The following FBXO8 variants were observed in gnomAD, a reference collection of about 807,000 sequenced individuals.
FBXO8 encodes the protein F-box only protein 8.
In FBXO8, 15 loss-of-function variants were observed where a neutral mutation model predicts 33.4. The observed-to-expected ratio is 0.45, with a 90% CI of 0.30 to 0.69. FBXO8 has a LOEUF of 0.69. Among genes scored for constraint, FBXO8 ranks in the 30% least tolerant of loss-of-function variants. The pLI is 0.08. For missense variants in FBXO8, 274 were observed against 380.3 expected (o/e 0.72, Z 2.32); for synonymous variants, 132 against 131.5 (o/e 1.00, Z -0.02).
In FBXO8 at chr4:174,239,162, A is replaced by G. The variant is rs779565905; in HGVS notation, c.604T>C (p.Leu202=). Residue 202 remains leucine, a synonymous_variant, in exon 5 of 6, where the codon TTG becomes CTG. Coordinates refer to ENST00000393674, the MANE Select transcript of FBXO8 (RefSeq NM_012180.3). The stretch of plus-strand genomic sequence containing the variant: ...AAGAACTGATTTCTAAAATTATGCA[A>G]TGTTACAAGGTCATCCAAGACATCT... ...RRDVLDDLVT[L]HNFRNQFLPN... 2 of 1,595,520 alleles carry G rather than the reference A, an allele frequency of 1.3e-6. No individual in the cohort carries two copies. The highest frequency in any genetic ancestry group is 1.4e-5 in the African/African-American group (1 of 74,026).
Position 174,246,070 on chromosome 4 carries a change from T to C in FBXO8, c.457-4852A>G, listed in dbSNP as rs1736151303. On this transcript the variant is annotated intron_variant, in intron 3 of 5. Coordinates refer to ENST00000393674, the MANE Select transcript of FBXO8 (RefSeq NM_012180.3). ...TAAAAGTGAGGGTTGAAGATATAGATTCAGGATCTTGGATAAGAAGGATTA... is the reference window on the plus strand; with the variant it reads ...TAAAAGTGAGGGTTGAAGATATAGACTCAGGATCTTGGATAAGAAGGATTA... Among the ~76,000 whole-genome samples, 2 of 151,938 alleles carry C rather than the reference T, an allele frequency of 1.3e-5. 1 individual carries two copies. Among genetic ancestry groups the C allele is most frequent in the Admixed American group, 1.3e-4 (2 of 15,184 alleles).
At position 174,274,376 on chromosome 4, in the gene FBXO8, G is replaced by GT. The variant is rs1482088209; in HGVS notation, c.-9+9033dup. 6.6e-6 allele frequency among the ~76,000 whole-genome samples: 1 copy of GT among 152,158 alleles called. No individual in the cohort carries two copies. On this transcript the variant is annotated intron_variant, in intron 1 of 5. Coordinates refer to ENST00000393674, the MANE Select transcript of FBXO8 (RefSeq NM_012180.3). This position sits in a 1 kb window ranked among gnomAD's most constrained non-coding sequence, Gnocchi z 4.0. Reference sequence around the variant, plus strand: ...CATAGTAGGTAGTTTACAATAAAAGGTAGTTTCGTACTCATCCCTCTCGCC... The same window carrying GT: ...CATAGTAGGTAGTTTACAATAAAAGGTTAGTTTCGTACTCATCCCTCTCGCC...
rs1737082908 is a variant in FBXO8 at position 174,281,348 on chromosome 4, C to T, written c.-9+2062G>A. ...ACGAACTGCTGACTAAATGGTTAAA[C>T]TCCCTAAAGCTGTTGCCTAAACTCC... is the stretch of plus-strand genomic sequence containing the variant. On this transcript the variant is annotated intron_variant, in intron 1 of 5. Coordinates refer to ENST00000393674, the MANE Select transcript of FBXO8 (RefSeq NM_012180.3). The surrounding 1 kb of genome is among the most constrained non-coding windows in gnomAD (Gnocchi z 4.6). Among the ~76,000 whole-genome samples, 1 of 152,164 alleles carries T rather than the reference C, an allele frequency of 6.6e-6. No homozygotes were observed. Among genetic ancestry groups the T allele is most frequent in the South Asian group, 2.1e-4 (1 of 4,830 alleles).
At chr4:174,258,772 T>TTAC (rs1736473639) in intron 3 of FBXO8, among the ~76,000 whole-genome samples, 1 of 152,098 alleles carries the variant, frequency 6.6e-6, no homozygotes, top group African/African-American at 2.4e-5. Flanking sequence ...TTGGTATTTT[T>TTAC]GTTTAAGACT....
rs975951406 is a variant in FBXO8 at position 174,253,189 on chromosome 4, C to T, written c.456+6510G>A. ...AGGAGTCTAAATGGTGAGTTATAAG[C>T]CTTGGCCATGTAGGCCCAGTGTGAT... On this transcript the variant is annotated intron_variant, in intron 3 of 5. Coordinates refer to ENST00000393674, the MANE Select transcript of FBXO8 (RefSeq NM_012180.3). The surrounding 1 kb of genome is among the most constrained non-coding windows in gnomAD (Gnocchi z 4.5). 6.6e-6 allele frequency among the ~76,000 whole-genome samples: 1 copy of T among 152,112 alleles called. No homozygotes were observed. Among genetic ancestry groups the T allele is most frequent in the Non-Finnish European group, 1.5e-5 (1 of 68,022 alleles).
intron 1 of FBXO8, among the ~76,000 whole-genome samples, chr4:174,276,635 G>A (rs1736967393): frequency 1.3e-5 from 2 of 152,214 alleles, no homozygotes; most frequent in South Asian, 2.1e-4. Context: ...CTGGAGTGCA[G>A]TGGCGTGTAG....
rs1377072689 is a variant in FBXO8, at chr4:174,245,774, C to T, written c.457-4556G>A. 6.6e-6 allele frequency among the ~76,000 whole-genome samples: 1 copy of T among 151,772 alleles called. No individual in the cohort carries two copies. The highest frequency in any genetic ancestry group is 1.5e-5 in the Non-Finnish European group (1 of 67,922). ...GCGGGCTATACAACTGTATATGTTA[C>T]ATATATGTTACATATATGAAAATAA... On this transcript the variant is annotated intron_variant, in intron 3 of 5. Transcript: ENST00000393674. The surrounding 1 kb of genome is among the most constrained non-coding windows in gnomAD (Gnocchi z 4.6).
chr4:174,262,589 A>G lies in FBXO8; in HGVS notation c.329+175T>C, dbSNP rs1264812500. Reference sequence around the variant, plus strand: ...ATTTTCTATTGTCCTCCTTTTCACAAGATCAAATTTGACTGTGATGCTAAC... The same window carrying G: ...ATTTTCTATTGTCCTCCTTTTCACAGGATCAAATTTGACTGTGATGCTAAC... On this transcript the variant is annotated intron_variant, in intron 2 of 5. Coordinates refer to ENST00000393674, the MANE Select transcript of FBXO8 (RefSeq NM_012180.3). This position sits in a 1 kb window ranked among gnomAD's most constrained non-coding sequence, Gnocchi z 4.6. Among the ~76,000 whole-genome samples, 1 of 152,194 alleles carries G rather than the reference A, an allele frequency of 6.6e-6. No individual in the cohort carries two copies. The highest frequency in any genetic ancestry group is 1.5e-5 in the Non-Finnish European group (1 of 68,048).
In FBXO8 at chr4:174,263,786, C is replaced by T. The variant is rs1432165972; in HGVS notation, c.-8-686G>A. Among the ~76,000 whole-genome samples the T allele has an allele frequency of 6.6e-6, 1 of 152,158 alleles. No individual in the cohort carries two copies. Among genetic ancestry groups the T allele is most frequent in the Non-Finnish European group, 1.5e-5 (1 of 68,022 alleles). On this transcript the variant is annotated intron_variant, in intron 1 of 5. Transcript: ENST00000393674. This position sits in a 1 kb window ranked among gnomAD's most constrained non-coding sequence, Gnocchi z 4.2. Reference sequence around the variant, plus strand: ...AGAGAAATTTTCTAATTCTTCTCCACAAATCCCTATGGATTCTTCAGAAGT... The same window carrying T: ...AGAGAAATTTTCTAATTCTTCTCCATAAATCCCTATGGATTCTTCAGAAGT...
At chr4:174,264,293 C>T (rs1022965680) in intron 1 of FBXO8, among the ~76,000 whole-genome samples, 4 of 152,062 alleles carry the variant, frequency 2.6e-5, no homozygotes, top group Admixed American at 6.6e-5. Context: ...GACTAGATAT[C>T]TTTTAATCAG....
chr4:174,246,543 T>G (rs896846891), intron 3 of FBXO8, among the ~76,000 whole-genome samples: 1 of 151,418 alleles, frequency 6.6e-6, no homozygotes, highest in Non-Finnish European at 1.5e-5. Context: ...AAAAATATAT[T>G]AGTACAAAGG....
chr4:174,243,216 G>C (rs916582112), intron 3 of FBXO8, among the ~76,000 whole-genome samples: 1 of 151,318 alleles, frequency 6.6e-6, no homozygotes, highest in Non-Finnish European at 1.5e-5. Context: ...TCTAACCTCA[G>C]TTCTCCCAAA....
Position 174,256,664 on chromosome 4 carries a change from G to A in FBXO8, c.456+3035C>T, listed in dbSNP as rs1321954647. ...CCCCTCATTTCTCTGACCTTATTAA[G>A]TGTATTGCAATGTCCTTTTTTTCCT... is the stretch of plus-strand genomic sequence containing the variant. On this transcript the variant is annotated intron_variant, in intron 3 of 5. Coordinates refer to ENST00000393674, the MANE Select transcript of FBXO8 (RefSeq NM_012180.3). The surrounding 1 kb of genome is among the most constrained non-coding windows in gnomAD (Gnocchi z 4.6). 6.6e-6 allele frequency among the ~76,000 whole-genome samples: 1 copy of A among 152,122 alleles called. No individual in the cohort carries two copies. The highest frequency in any genetic ancestry group is 1.9e-4 in the East Asian group (1 of 5,192).
At chr4:174,269,948 C>T (rs1056749679) in intron 1 of FBXO8, among the ~76,000 whole-genome samples, 2 of 152,116 alleles carry the variant, frequency 1.3e-5, no homozygotes, top group African/African-American at 4.8e-5. Context: ...ACTAATGCTC[C>T]TTGTGTCTCA....
At chr4:174,271,211 G>T (rs1284370278) in intron 1 of FBXO8, among the ~76,000 whole-genome samples, 1 of 152,174 alleles carries the variant, frequency 6.6e-6, no homozygotes, top group Non-Finnish European at 1.5e-5. Context: ...AGTAGAAGGA[G>T]GAGTGGCTAC....
chr4:174,266,328 A>T (rs530808485), intron 1 of FBXO8, among the ~76,000 whole-genome samples: 12 of 152,332 alleles, frequency 7.9e-5, no homozygotes, highest in Non-Finnish European at 1.5e-4. Flanking sequence ...CTGCAAAATT[A>T]TACCTTATTT....
rs1736628747 is a variant in FBXO8, at chr4:174,263,875, C to A, written c.-8-775G>T. On this transcript the variant is annotated intron_variant, in intron 1 of 5. Transcript: ENST00000393674. This position sits in a 1 kb window ranked among gnomAD's most constrained non-coding sequence, Gnocchi z 4.2. ...CTCCCCACTACCATCTGACCTCCCA[C>A]CAGAGCATTCTACATTTGTCTGTCA... Among the ~76,000 whole-genome samples the A allele has an allele frequency of 6.6e-6, 1 of 152,146 alleles. No homozygotes were observed. Among genetic ancestry groups the A allele is most frequent in the Non-Finnish European group, 1.5e-5 (1 of 68,014 alleles).
rs1736819018 is a variant in FBXO8 at position 174,270,715 on chromosome 4, C to G, written c.-8-7615G>C. ...CACTGCAACCTCCACCTCCCAGGTT[C>G]AAGTGATTCTCCTGTCTCAGCCTCC... On this transcript the variant is annotated intron_variant, in intron 1 of 5. Coordinates refer to ENST00000393674, the MANE Select transcript of FBXO8 (RefSeq NM_012180.3). This position sits in a 1 kb window ranked among gnomAD's most constrained non-coding sequence, Gnocchi z 4.6. Among the ~76,000 whole-genome samples, 1 of 151,458 alleles carries G rather than the reference C, an allele frequency of 6.6e-6. No homozygotes were observed. The highest frequency in any genetic ancestry group is 1.5e-5 in the Non-Finnish European group (1 of 67,956).
At position 174,259,512 on chromosome 4, in the gene FBXO8, C is replaced by G. The variant is rs773096273; in HGVS notation, c.456+187G>C. 6.6e-6 allele frequency among the ~76,000 whole-genome samples: 1 copy of G among 151,978 alleles called. No homozygotes were observed. Among genetic ancestry groups the G allele is most frequent in the Admixed American group, 6.6e-5 (1 of 15,244 alleles). On this transcript the variant is annotated intron_variant, in intron 3 of 5. Coordinates refer to ENST00000393674, the MANE Select transcript of FBXO8 (RefSeq NM_012180.3). This position sits in a 1 kb window ranked among gnomAD's most constrained non-coding sequence, Gnocchi z 4.3. ...AAGTGAACAGGTAGAAAGGTTAGAA[C>G]GTGACATGGTAAGGCGAAGAAAAAT...
Sources: gnomAD v4.1 joint callset for allele counts (sites outside exome capture counted in the v4.1 genomes callset) on GRCh38, gnomAD v4.1.1 for gene constraint, Gnocchi (gnomAD v3.1) non-coding constraint, MANE v1.5 for transcripts, NCBI Gene and HGNC (gene_info 2026-07-23, HGNC 2026-07-21) for gene names.